The following PCBD2 variants were observed in gnomAD, a reference collection of about 807,000 sequenced individuals.
The protein encoded by PCBD2 is pterin-4 alpha-carbinolamine dehydratase 2, also known as pterin-4-alpha-carbinolamine dehydratase 2.
In PCBD2, 12 loss-of-function variants were observed where a neutral mutation model predicts 16.4. The observed-to-expected ratio is 0.73, with a 90% CI of 0.47 to 1.19. PCBD2 has a LOEUF of 1.19. Among genes scored for constraint, PCBD2 ranks in the 50% most tolerant of loss-of-function variants. The pLI, the probability that PCBD2 is intolerant of heterozygous loss-of-function variation, is 0.00. For missense variants in PCBD2, 138 were observed against 156.8 expected, an observed-to-expected ratio of 0.88 and a Z score of 0.64; for synonymous variants, 58 against 61.8, an observed-to-expected ratio of 0.94 and a Z score of 0.29.
intron 2 of PCBD2, among the ~76,000 whole-genome samples, chr5:134,920,786 G>T (rs1223185305): frequency 6.6e-6 from 1 of 152,028 alleles, no homozygotes; most frequent in Non-Finnish European, 1.5e-5. Flanking sequence ...CTCTCAAGTA[G>T]CTGGGATTAG....
At chr5:134,923,616 A>G (rs1750935771) in intron 2 of PCBD2, 2 of 361,984 alleles carry the variant, frequency 5.5e-6, no homozygotes, top group Admixed American at 9.4e-5. Context: ...GTTTGTAATT[A>G]CTGTGGCCCC....
At chr5:134,943,398 A>G (rs944768190) in intron 2 of PCBD2, among the ~76,000 whole-genome samples, 2 of 152,220 alleles carry the variant, frequency 1.3e-5, no homozygotes, top group African/African-American at 4.8e-5. Flanking sequence ...GTGCTTTAGG[A>G]CAAAAAATAA....
At chr5:134,936,607 G>A (rs967627308) in intron 2 of PCBD2, among the ~76,000 whole-genome samples, 2 of 152,200 alleles carry the variant, frequency 1.3e-5, no homozygotes, top group African/African-American at 4.8e-5. Context: ...TGCTGACCAT[G>A]ATCCTTTTTC....
chr5:134,927,618 G>C, intron 2 of PCBD2: 1 of 398,324 alleles, frequency 2.5e-6, no homozygotes, highest in Non-Finnish European at 4.4e-6. Context: ...CAGGCGTTCT[G>C]GTTGGTTGCC....
chr5:134,940,937 C>T (rs1300853232), intron 2 of PCBD2, among the ~76,000 whole-genome samples: 4 of 151,874 alleles, frequency 2.6e-5, no homozygotes, highest in South Asian at 2.1e-4. Context: ...CTGGCCAACA[C>T]GGTGAAATCC....
At chr5:134,917,593 A>G (rs571063344) in intron 2 of PCBD2, among the ~76,000 whole-genome samples, 35 of 152,224 alleles carry the variant, frequency 2.3e-4, no homozygotes, top group African/African-American at 8.2e-4. Flanking sequence ...GTCATATTGG[A>G]TGGAATCATA....
intron 2 of PCBD2, among the ~76,000 whole-genome samples, chr5:134,956,560 G>C (rs1217618572): frequency 1.3e-5 from 2 of 152,236 alleles, no homozygotes; most frequent in Non-Finnish European, 2.9e-5. Context: ...TGGCCACAGG[G>C]TGTAAGAACT....
At position 134,920,521 on chromosome 5, in the gene PCBD2, T is replaced by G. The variant is rs1305499281; in HGVS notation, c.216+10055T>G. 8.5e-5 allele frequency among the ~76,000 whole-genome samples: 13 copies of G among 152,370 alleles called. No homozygotes were observed. The East Asian group carries it at 2.3e-3, about 27-fold the overall frequency. On this transcript the variant is annotated intron_variant, in intron 2 of 3. Transcript: ENST00000254908. Reference sequence around the variant, plus strand: ...TGAAACAAACAAAGCTGTACTTGTTTGGGAGTAGCCCAGGTATCACTGTTG... The same window carrying G: ...TGAAACAAACAAAGCTGTACTTGTTGGGGAGTAGCCCAGGTATCACTGTTG...
At chr5:134,905,315 G>GCGAACCCGGCGTGGGC in intron 1 of PCBD2, 92 bp downstream of exon 1, 1 of 1,110,806 alleles carries the variant, frequency 9.0e-7, no homozygotes, top group East Asian at 3.4e-5. Context: ...CGGGACTGGG[G>GCGAACCCGGCGTGGGC]CGAACCCGGC....
chr5:134,920,978 T>A lies in PCBD2; in HGVS notation c.216+10512T>A, dbSNP rs74517546. On this transcript the variant is annotated intron_variant, in intron 2 of 3. Coordinates refer to ENST00000254908, the MANE Select transcript of PCBD2 (RefSeq NM_032151.5). ...CCAGCTGCTGAGGCTTTTTGCTATA[T>A]CATACATCAAACTGACTTCAAGTGC... Among the ~76,000 whole-genome samples, 47 of 152,354 alleles carry A rather than the reference T, an allele frequency of 3.1e-4. No individual in the cohort carries two copies. The East Asian group carries it at 7.0e-3, about 23-fold the overall frequency.
intron 2 of PCBD2, among the ~76,000 whole-genome samples, chr5:134,918,286 C>T (rs1316609299): frequency 2.0e-5 from 3 of 152,124 alleles, no homozygotes; most frequent in African/African-American, 2.4e-5. Context: ...AGGCGGGTCA[C>T]CAGAGGTCAG....
At chr5:134,916,311 T>A (rs1294426896) in intron 2 of PCBD2, among the ~76,000 whole-genome samples, 1 of 152,116 alleles carries the variant, frequency 6.6e-6, no homozygotes, top group Non-Finnish European at 1.5e-5. Context: ...TTGCTGAATA[T>A]AGGGTTAAAA....
At chr5:134,942,811 C>T (rs1398578452) in intron 2 of PCBD2, among the ~76,000 whole-genome samples, 1 of 152,168 alleles carries the variant, frequency 6.6e-6, no homozygotes, top group Non-Finnish European at 1.5e-5. Context: ...CCAGCCAAGT[C>T]ATACAGCCTG....
In PCBD2 at chr5:134,955,309, G is replaced by GTT. The variant is rs201125597; in HGVS notation, c.217-3715_217-3714dup. Among the ~76,000 whole-genome samples, 78 of 131,084 alleles carry GTT rather than the reference G, an allele frequency of 6.0e-4. 1 individual carries two copies. The highest frequency in any genetic ancestry group is 1.8e-3 in the East Asian group (8 of 4,412). The allele number at this position is 131,084 out of a possible 152,430, so 86.0% of individuals were successfully genotyped here. The stretch of plus-strand genomic sequence containing the variant: ...TTTGTTCAGTTAAATAGCAACAATG[G>GTT]TTTTTTTTTTTTTTTTTGAGATGGA... On this transcript the variant is annotated intron_variant, in intron 2 of 3. Transcript: ENST00000254908.
chr5:134,916,640 A>T (rs1436563952), intron 2 of PCBD2, among the ~76,000 whole-genome samples: 4 of 152,252 alleles, frequency 2.6e-5, no homozygotes, highest in Admixed American at 2.6e-4. Flanking sequence ...CTTTTCTCTC[A>T]GAGTTTTATT....
chr5:134,933,107 T>C (rs1040173319), intron 2 of PCBD2, among the ~76,000 whole-genome samples: 8 of 152,232 alleles, frequency 5.3e-5, no homozygotes, highest in Non-Finnish European at 2.9e-5. Flanking sequence ...ACGCTGTGAA[T>C]GTGCATTTGT....
chr5:134,927,769 A>T, intron 2 of PCBD2: 1 of 394,610 alleles, frequency 2.5e-6, no homozygotes, highest in East Asian at 3.6e-5. Context: ...TTTTTTCGTG[A>T]TAGTGGTTCA....
intron 2 of PCBD2, among the ~76,000 whole-genome samples, chr5:134,912,158 T>C (rs77672893): frequency 0.011 from 1,622 of 152,126 alleles, 25 homozygotes; most frequent in African/African-American, 0.036. Context: ...TAAGTAGACT[T>C]TTTTTTTCCC....
At chr5:134,924,833 G>A (rs934558755) in intron 2 of PCBD2, 2 of 392,242 alleles carry the variant, frequency 5.1e-6, no homozygotes, top group African/African-American at 2.1e-5. Flanking sequence ...TGGCTTGTAA[G>A]AAGGCCTAGA....
Sources: gnomAD v4.1 joint callset for allele counts (sites outside exome capture counted in the v4.1 genomes callset) on GRCh38, gnomAD v4.1.1 for gene constraint, MANE v1.5 for transcripts, NCBI Gene and HGNC (gene_info 2026-07-23, HGNC 2026-07-21) for gene names.